NCOA4: variants seen among roughly 807,000 people sequenced by gnomAD.
NCOA4 encodes 70 kDa AR-activator.
In NCOA4, 31 loss-of-function variants were observed where a neutral mutation model predicts 69.5. The observed-to-expected ratio is 0.45, with a 90% CI of 0.34 to 0.60. NCOA4 has a LOEUF of 0.60. Ranked by LOEUF, NCOA4 falls within the 20% of genes least tolerant of loss-of-function variation. NCOA4 has a pLI of 0.02. For synonymous variants in NCOA4, 228 were observed against 252.4 expected (o/e 0.90, Z 0.92); for missense variants, 600 against 719.2 (o/e 0.83, Z 1.90).
chr10:46,017,462 C>G (rs1839628685), intron 1 of NCOA4, among the ~76,000 whole-genome samples: 1 of 152,074 alleles, frequency 6.6e-6, no homozygotes, highest in Non-Finnish European at 1.5e-5. Context: ...GGAAGATCAC[C>G]TGAGCCCAGG....
chr10:46,019,378 C>G (rs573325070), intron 1 of NCOA4: 227 of 985,312 alleles, frequency 2.3e-4, no homozygotes, highest in Non-Finnish European at 2.7e-4. Flanking sequence ...GCGTGATGGG[C>G]TGCTTCACTT....
Position 46,010,532 on chromosome 10 carries a change from A to G in NCOA4, c.1389T>C (p.Pro463=). Residue 463 remains proline (P), a synonymous_variant, in exon 8 of 10, where the codon CCT becomes CCC. Coordinates refer to ENST00000581486, the MANE Select transcript of NCOA4 (RefSeq NM_001145263.2). The stretch of plus-strand genomic sequence containing the variant: ...TAGTTTGTTCTATTACTTCTTTTCT[A>G]GGACAGAGCCACATATTCAGGGAAT... ...HKDSLNMWLC[P]RKEVIEQTKA... The G allele has an allele frequency of 3.7e-6, 6 of 1,614,172 alleles. No homozygotes were observed. Among genetic ancestry groups the G allele is most frequent in the Non-Finnish European group, 5.1e-6 (6 of 1,180,022 alleles).
chr10:46,019,380 G>A (rs1554923908), intron 1 of NCOA4: 1 of 985,326 alleles, frequency 1.0e-6, no homozygotes, highest in Non-Finnish European at 1.2e-6. Context: ...GTGATGGGCT[G>A]CTTCACTTTG....
At chr10:46,019,714 T>C (rs115898770) in intron 1 of NCOA4, among the ~76,000 whole-genome samples, 2,599 of 152,316 alleles carry the variant, frequency 0.017, 83 homozygotes, top group African/African-American at 0.059. Context: ...AGTTCACACA[T>C]TGGACTTTGC....
Position 46,006,512 on chromosome 10 carries a change from A to AT in NCOA4, c.*79_*80insA. 1.3e-6 allele frequency: 2 copies of AT among 1,553,582 alleles called. No homozygotes were observed. The highest frequency in any genetic ancestry group is 4.5e-5 in the East Asian group (2 of 44,570). ...GCTAATTGGTCAGACCCAGAAACACAAAGATTTGGCAAGCTGCAGTCACTC... is the reference window on the plus strand; with the variant it reads ...GCTAATTGGTCAGACCCAGAAACACATAAGATTTGGCAAGCTGCAGTCACTC... On this transcript the variant is annotated 3_prime_UTR_variant, in exon 10 of 10. Coordinates refer to ENST00000581486, the MANE Select transcript of NCOA4 (RefSeq NM_001145263.2).
chr10:46,027,014 C>A (rs1554925604), intron 1 of NCOA4, among the ~76,000 whole-genome samples: 3 of 151,976 alleles, frequency 2.0e-5, no homozygotes, highest in Non-Finnish European at 2.9e-5. Context: ...GCCTGTAATC[C>A]CAAAACTTTG....
chr10:46,013,701 T>C (rs1211632361), intron 5 of NCOA4, 62 bp from the exon 6 acceptor site: 1 of 1,195,830 alleles, frequency 8.4e-7, no homozygotes, highest in Non-Finnish European at 1.2e-6. Flanking sequence ...AGTGAAATTA[T>C]AATTCCAAAT....
Position 46,010,594 on chromosome 10 carries a change from G to A in NCOA4, c.1327C>T (p.Pro443Ser), listed in dbSNP as rs1554921051. ...KKEGKDKNGM[P>S]VEPKPEPEKH... ...TCAGGCTCAGGTTTGGGTTCCACAGGCATCCCATTTTTATCCTTTCCTTCT... is the reference window on the plus strand; with the variant it reads ...TCAGGCTCAGGTTTGGGTTCCACAGACATCCCATTTTTATCCTTTCCTTCT... The change falls in exon 8 of 10, where the codon CCT becomes TCT. Residue 443 changes from proline to serine, a missense_variant. Pro to Ser is a moderately conservative substitution (Grantham distance 74, BLOSUM62 -1). Coordinates refer to ENST00000581486, the MANE Select transcript of NCOA4 (RefSeq NM_001145263.2). The A allele has an allele frequency of 1.2e-6, 2 of 1,614,130 alleles. No homozygotes were observed. The highest frequency in any genetic ancestry group is 1.1e-5 in the South Asian group (1 of 91,086).
At chr10:46,027,350 A>T in intron 1 of NCOA4, 1 of 1,267,072 alleles carries the variant, frequency 7.9e-7, no homozygotes, top group Middle Eastern at 2.0e-4. Context: ...CAATGTTATG[A>T]TTTAACAATC....
Position 46,006,057 on chromosome 10 carries a change from AT to A in NCOA4, c.*534del, listed in dbSNP as rs536795358. ...GTCAAAAATTGCCAAGATTATTAAT[AT>A]ATATTTTGGTAATCACTATTGACCA... On this transcript the variant is annotated 3_prime_UTR_variant, in exon 10 of 10. Coordinates refer to ENST00000581486, the MANE Select transcript of NCOA4 (RefSeq NM_001145263.2). 4.2e-4 allele frequency: 86 copies of A among 206,558 alleles called. No homozygotes were observed. The highest frequency in any genetic ancestry group is 1.7e-3 in the African/African-American group (75 of 43,982). 12.8% of individuals were successfully genotyped at this position (206,558 alleles called of 1,614,324 possible).
At position 46,009,669 on chromosome 10, in the gene NCOA4, C is replaced by A. The variant is rs1210534859; in HGVS notation, c.1699-118G>T. The A allele has an allele frequency of 5.2e-6, 5 of 957,416 alleles. No homozygotes were observed. The African/African-American group carries it at 8.2e-5, about 16-fold the overall frequency. The allele number at this position is 957,416 out of a possible 1,614,324, so 59.3% of individuals were successfully genotyped here. On this transcript the variant is annotated intron_variant, in intron 8 of 9. Coordinates refer to ENST00000581486, the MANE Select transcript of NCOA4 (RefSeq NM_001145263.2). ...AATGTTGGCCATTCTCTGTAACAAC[C>A]AAAAACAAAGGTGACAATTGTTATT... is the stretch of plus-strand genomic sequence containing the variant.
rs984974513 is a variant in NCOA4, at chr10:46,013,566, A to G, written c.554T>C (p.Ile185Thr). Reference sequence around the variant, plus strand: ...ATATTTTACCTGCTCTGGCATGGAGATACAGCCTCTCTTCTCCAGGAAGGG... The same window carrying G: ...ATATTTTACCTGCTCTGGCATGGAGGTACAGCCTCTCTTCTCCAGGAAGGG... ...IGPFLEKRGC[I>T]SMPEQKSASG... is the part of the protein sequence containing the mutation. The change falls in exon 6 of 10, where the codon ATC (isoleucine) becomes ACC (threonine). Residue 185 changes from isoleucine to threonine, a missense_variant. Ile to Thr is a moderately conservative substitution (Grantham distance 89). Coordinates refer to ENST00000581486, the MANE Select transcript of NCOA4 (RefSeq NM_001145263.2). 14 of 1,611,806 alleles carry G rather than the reference A, an allele frequency of 8.7e-6. No individual in the cohort carries two copies. The highest frequency in any genetic ancestry group is 1.1e-5 in the Non-Finnish European group (13 of 1,178,240).
rs200429874 is a variant in NCOA4 at position 46,016,635 on chromosome 10, G to A, written c.46C>T (p.Pro16Ser). 1.3e-6 allele frequency: 2 copies of A among 1,548,132 alleles called. No homozygotes were observed. Among genetic ancestry groups the A allele is most frequent in the Middle Eastern group, 1.7e-4 (1 of 5,754 alleles). ...CGTGCATCACTACACCTCAAAAGGG[G>A]TTCTCTATTACTGGAGCTGCCACTC... ...DQSGSSSNRE[P>S]LLRCSDARRD... is the part of the protein sequence containing the mutation. Residue 16 changes from proline to serine, a missense_variant, in exon 2 of 10, where the codon CCC becomes TCC. Physicochemically the swap from Pro to Ser is moderately conservative, Grantham distance 74. Transcript: ENST00000581486.
chr10:46,012,128 C>T (rs962298224), intron 7 of NCOA4, among the ~76,000 whole-genome samples: 1 of 120,018 alleles, frequency 8.3e-6, no homozygotes, highest in Non-Finnish European at 1.8e-5. Context: ...ACTCAACCTC[C>T]TTACTAATGG....
intron 9 of NCOA4, among the ~76,000 whole-genome samples, chr10:46,007,646 GCAGCAGAGCTATTATAGCACA>G (rs1838925720): frequency 7.9e-6 from 1 of 126,802 alleles, no homozygotes; most frequent in African/African-American, 3.0e-5. Context: ...AGGCAAGACC[GCAGCAGAGCTATTATAGCACA>G]CTGCAGCCTT....
chr10:46,015,327 G>C, intron 2 of NCOA4, 61 bp from the exon 3 acceptor site: 2 of 841,640 alleles, frequency 2.4e-6, no homozygotes, highest in East Asian at 6.6e-5. Flanking sequence ...GTTTCCCAAA[G>C]AATAGTGAGT....
intron 1 of NCOA4, among the ~76,000 whole-genome samples, chr10:46,017,941 G>C (rs1345340606): frequency 6.6e-6 from 1 of 152,198 alleles, no homozygotes; most frequent in Non-Finnish European, 1.5e-5. Flanking sequence ...TGTGATACCA[G>C]TTATTTCCTT....
chr10:46,027,129 G>A (rs1305222012), intron 1 of NCOA4, among the ~76,000 whole-genome samples: 2 of 152,078 alleles, frequency 1.3e-5, no homozygotes, highest in African/African-American at 4.8e-5. Context: ...AAATTAGCTG[G>A]GCGTTGTGGC....
At chr10:46,015,532 C>CTTAT (rs1839490781) in intron 2 of NCOA4, among the ~76,000 whole-genome samples, 1 of 152,126 alleles carries the variant, frequency 6.6e-6, no homozygotes, top group African/African-American at 2.4e-5. Context: ...GAATCCTAGC[C>CTTAT]ATAAAGGCAT....
Sources: allele counts gnomAD v4.1 joint callset (sites outside exome capture counted in the v4.1 genomes callset), GRCh38; gene constraint gnomAD v4.1.1; transcripts MANE v1.5; gene names NCBI Gene and HGNC (gene_info 2026-07-23, HGNC 2026-07-21).